Variants in NXPE2 observed in about 807,000 individuals in gnomAD.
NXPE2 encodes the protein NXPE family member 2.
In NXPE2, 34 loss-of-function variants were observed where a neutral mutation model predicts 34.4. The observed-to-expected ratio is 0.99, with a 90% CI of 0.75 to 1.31. The LOEUF (loss-of-function observed/expected upper bound fraction) is 1.31. Ranked by LOEUF, NXPE2 falls within the 40% of genes most tolerant of loss-of-function variation. The probability of loss-of-function intolerance (pLI) is 0.00; values close to 1 mark genes in which losing one functional copy is unlikely to be tolerated. For synonymous variants in NXPE2, 235 were observed against 231.3 expected (o/e 1.02, Z -0.15); for missense variants, 649 against 672.5 (o/e 0.97, Z 0.39).
At chr11:114,566,128 G>A in the NXPE2 span, among the ~76,000 whole-genome samples, 1 of 152,074 alleles carries the variant, frequency 6.6e-6, no homozygotes, top group South Asian at 2.1e-4. Flanking sequence ...CAGGTAAATG[G>A]GATATTAAGT....
chr11:114,496,411 G>T, the NXPE2 span, among the ~76,000 whole-genome samples: 17 of 152,104 alleles, frequency 1.1e-4, no homozygotes, highest in African/African-American at 4.1e-4. Flanking sequence ...ATTCAAGACT[G>T]TCTTTCCTAC....
chr11:114,604,751 G>T, the NXPE2 span, among the ~76,000 whole-genome samples: 4 of 151,894 alleles, frequency 2.6e-5, no homozygotes, highest in Non-Finnish European at 5.9e-5. Context: ...AATAAGTATT[G>T]CCTCATTGGT....
chr11:114,541,032 T>A, the NXPE2 span, among the ~76,000 whole-genome samples: 2 of 152,088 alleles, frequency 1.3e-5, no homozygotes, highest in South Asian at 4.2e-4. Flanking sequence ...GGCACACCTG[T>A]GGGGTAGACC....
the NXPE2 span, among the ~76,000 whole-genome samples, chr11:114,652,738 A>G: frequency 7.0e-6 from 1 of 142,370 alleles, no homozygotes; most frequent in Admixed American, 7.3e-5. Context: ...GTGATAGAGC[A>G]CAGTCAAGAA....
the NXPE2 span, among the ~76,000 whole-genome samples, chr11:114,494,514 T>C: frequency 2.6e-5 from 4 of 152,212 alleles, no homozygotes. Context: ...AATAGACCAA[T>C]TGCCTTTTTC....
the NXPE2 span, among the ~76,000 whole-genome samples, chr11:114,763,820 A>T: frequency 6.4e-4 from 97 of 152,372 alleles, 2 homozygotes; most frequent in South Asian, 0.018. Context: ...TATTTAATGC[A>T]TGGTAATTAA....
chr11:114,783,380 T>G, the NXPE2 span, among the ~76,000 whole-genome samples: 1 of 152,178 alleles, frequency 6.6e-6, no homozygotes, highest in Non-Finnish European at 1.5e-5. Context: ...GCCTGACATG[T>G]ATGAGCCCCA....
chr11:114,799,832 C>A, the NXPE2 span, among the ~76,000 whole-genome samples: 1 of 152,046 alleles, frequency 6.6e-6, no homozygotes. Flanking sequence ...TCATGACCGG[C>A]GGTGTTAACA....
the NXPE2 span, among the ~76,000 whole-genome samples, chr11:114,663,637 C>CTATCTATCTATCATCT: frequency 2.1e-3 from 288 of 138,854 alleles, no homozygotes; most frequent in Middle Eastern, 0.011. Flanking sequence ...ATCTATCTAT[C>CTATCTATCTATCATCT]ATCTATCCAT....
chr11:114,648,158 C>A, the NXPE2 span, among the ~76,000 whole-genome samples: 1 of 151,974 alleles, frequency 6.6e-6, no homozygotes, highest in East Asian at 1.9e-4. Flanking sequence ...TATAATGAGC[C>A]CTTTTTGAGC....
the NXPE2 span, among the ~76,000 whole-genome samples, chr11:114,716,494 A>G: frequency 6.6e-6 from 1 of 152,202 alleles, no homozygotes; most frequent in Non-Finnish European, 1.5e-5. Flanking sequence ...TGTCTTAATT[A>G]TCTGGATCTC....
chr11:114,470,255 T>A, the NXPE2 span, among the ~76,000 whole-genome samples: 1 of 152,204 alleles, frequency 6.6e-6, no homozygotes, highest in African/African-American at 2.4e-5. Flanking sequence ...AGTTTAACAT[T>A]TCAGGAAACT....
the NXPE2 span, among the ~76,000 whole-genome samples, chr11:114,653,088 A>T: frequency 6.6e-6 from 1 of 152,238 alleles, no homozygotes; most frequent in East Asian, 1.9e-4. Flanking sequence ...CATTGAATGT[A>T]TAAATTTTCA....
intron 3 of NXPE2, among the ~76,000 whole-genome samples, chr11:114,702,786 C>T (rs759225291): frequency 6.6e-5 from 10 of 152,150 alleles, no homozygotes; most frequent in Non-Finnish European, 1.3e-4. Flanking sequence ...GCAGCCATCA[C>T]GCCCAGCCAC....
At chr11:114,532,819 G>T in the NXPE2 span, among the ~76,000 whole-genome samples, 1 of 151,926 alleles carries the variant, frequency 6.6e-6, no homozygotes, top group African/African-American at 2.4e-5. Context: ...GTGAATTCAG[G>T]GTTGTAAAAA....
chr11:114,605,030 T>A, the NXPE2 span, among the ~76,000 whole-genome samples: 1 of 151,998 alleles, frequency 6.6e-6, no homozygotes, highest in Non-Finnish European at 1.5e-5. Context: ...TGTAACCCAG[T>A]GGATAATAAG....
the NXPE2 span, among the ~76,000 whole-genome samples, chr11:114,643,766 TTAAAG>T: frequency 3.3e-5 from 5 of 151,936 alleles, no homozygotes; most frequent in African/African-American, 7.3e-5. Context: ...CATATGAAAC[TTAAAG>T]TAGTTTTTTT....
At chr11:114,784,980 TA>T in the NXPE2 span, among the ~76,000 whole-genome samples, 1 of 150,724 alleles carries the variant, frequency 6.6e-6, no homozygotes, top group Non-Finnish European at 1.5e-5. Context: ...AACCAGAAAA[TA>T]AAAAAGGAAG....
chr11:114,702,536 T>A (rs1951385147), intron 3 of NXPE2, among the ~76,000 whole-genome samples: 2 of 152,236 alleles, frequency 1.3e-5, no homozygotes, highest in African/African-American at 4.8e-5. Context: ...GTTGAGCACC[T>A]ACTATATGCC....
Sources: allele counts gnomAD v4.1 joint callset (sites outside exome capture counted in the v4.1 genomes callset), GRCh38; gene constraint gnomAD v4.1.1; transcripts MANE v1.5; gene names NCBI Gene and HGNC (gene_info 2026-07-23, HGNC 2026-07-21).